ADGRL3: variants seen among roughly 807,000 people sequenced by gnomAD.
ADGRL3 encodes adhesion G protein-coupled receptor L3.
In ADGRL3, 62 loss-of-function variants were observed where a neutral mutation model predicts 153.5. The ratio of observed to expected loss-of-function variants is 0.40; its 90% CI spans 0.33 to 0.50. ADGRL3 has a LOEUF of 0.50. Among genes scored for constraint, ADGRL3 ranks in the 20% least tolerant of loss-of-function variants. The probability of loss-of-function intolerance (pLI) is 0.47; values close to 1 mark genes in which losing one functional copy is unlikely to be tolerated. For synonymous variants in ADGRL3, 710 were observed against 672.5 expected, an observed-to-expected ratio of 1.06 and a Z score of -0.86; for missense variants, 1,641 against 1,859.4, an observed-to-expected ratio of 0.88 and a Z score of 2.16.
intron 1 of ADGRL3, among the ~76,000 whole-genome samples, chr4:61,361,251 A>G (rs2096277820): frequency 6.6e-6 from 1 of 152,180 alleles, no homozygotes; most frequent in Non-Finnish European, 1.5e-5. Context: ...TAATTATATC[A>G]TCTGTGAGAT....
intron 8 of ADGRL3, among the ~76,000 whole-genome samples, chr4:61,756,110 T>C (rs1426691322): frequency 1.3e-5 from 2 of 152,202 alleles, no homozygotes; most frequent in African/African-American, 2.4e-5. Context: ...CGGGCTCTTT[T>C]TGGTTCCATA....
chr4:61,561,884 A>T (rs1200600777), intron 4 of ADGRL3, among the ~76,000 whole-genome samples: 1 of 151,978 alleles, frequency 6.6e-6, no homozygotes, highest in Non-Finnish European at 1.5e-5. Flanking sequence ...AAGCAATCGT[A>T]CCACCTCAGC....
chr4:61,671,827 G>A (rs762435009), intron 5 of ADGRL3, among the ~76,000 whole-genome samples: 1 of 152,056 alleles, frequency 6.6e-6, no homozygotes, highest in African/African-American at 2.4e-5. Flanking sequence ...CCACAAGACA[G>A]CAGTATCATG....
intron 13 of ADGRL3, among the ~76,000 whole-genome samples, chr4:61,919,789 A>G (rs923242251): frequency 2.6e-4 from 40 of 152,158 alleles, no homozygotes; most frequent in African/African-American, 8.4e-4. Flanking sequence ...ATCTCTCACA[A>G]TTCCCCTGGC....
At chr4:61,726,691 C>G (rs1037447987) in intron 6 of ADGRL3, among the ~76,000 whole-genome samples, 1 of 152,046 alleles carries the variant, frequency 6.6e-6, no homozygotes, top group Non-Finnish European at 1.5e-5. Flanking sequence ...TTTTAATAGT[C>G]TAAACCAAAT....
At chr4:61,813,938 T>C in intron 9 of ADGRL3, 49 bp downstream of exon 9, 1 of 1,600,912 alleles carries the variant, frequency 6.2e-7, no homozygotes, top group East Asian at 2.2e-5. Flanking sequence ...CATTCTTTGA[T>C]GAAAGCAATG....
chr4:61,347,881 A>G (rs1376779398), intron 1 of ADGRL3, among the ~76,000 whole-genome samples: 1 of 152,086 alleles, frequency 6.6e-6, no homozygotes, highest in Non-Finnish European at 1.5e-5. Flanking sequence ...GTCTATCTTT[A>G]TTCTTTCTGA....
intron 21 of ADGRL3, among the ~76,000 whole-genome samples, chr4:62,024,183 G>C (rs1316576052): frequency 6.6e-6 from 1 of 151,892 alleles, no homozygotes; most frequent in Non-Finnish European, 1.5e-5. Flanking sequence ...GATATTTATT[G>C]GTCTTAATTT....
At chr4:61,718,629 C>T (rs2096174921) in intron 6 of ADGRL3, among the ~76,000 whole-genome samples, 1 of 152,122 alleles carries the variant, frequency 6.6e-6, no homozygotes, top group Admixed American at 6.6e-5. Flanking sequence ...CAACTCTAAT[C>T]AGTTTAGTAG....
intron 5 of ADGRL3, among the ~76,000 whole-genome samples, chr4:61,608,310 T>A (rs6836698): frequency 0.92 from 139,868 of 152,244 alleles, 64,769 homozygotes; most frequent in Middle Eastern, 0.99. Context: ...AGTTCTTCCA[T>A]TGATCAAGTT....
chr4:61,243,424 C>A (rs750696729), intron 1 of ADGRL3, among the ~76,000 whole-genome samples: 1 of 151,984 alleles, frequency 6.6e-6, no homozygotes, highest in Non-Finnish European at 1.5e-5. Flanking sequence ...CAATGACAGA[C>A]ACATGAGGTC....
At chr4:62,063,917 C>T (rs1741563260) in intron 25 of ADGRL3, among the ~76,000 whole-genome samples, 1 of 151,828 alleles carries the variant, frequency 6.6e-6, no homozygotes, top group African/African-American at 2.4e-5. Context: ...ACTTGTTGTT[C>T]ATTTATTTTT....
At chr4:61,787,625 G>C (rs1016863392) in intron 8 of ADGRL3, among the ~76,000 whole-genome samples, 11 of 152,046 alleles carry the variant, frequency 7.2e-5, no homozygotes, top group Non-Finnish European at 1.5e-5. Context: ...ATCAGTACTT[G>C]AAACCTTGTC....
At chr4:62,002,943 C>G (rs1476121207) in intron 21 of ADGRL3, among the ~76,000 whole-genome samples, 2 of 151,998 alleles carry the variant, frequency 1.3e-5, no homozygotes, top group Non-Finnish European at 2.9e-5. Flanking sequence ...TTGTAAGGAG[C>G]CTTTAGAACT....
chr4:61,704,958 T>A (rs977812317), intron 6 of ADGRL3, among the ~76,000 whole-genome samples: 6 of 152,198 alleles, frequency 3.9e-5, no homozygotes, highest in Non-Finnish European at 5.9e-5. Context: ...TTGCACAATA[T>A]CTGCACTGAC....
intron 1 of ADGRL3, among the ~76,000 whole-genome samples, chr4:61,284,792 G>A (rs1431019412): frequency 6.6e-6 from 1 of 151,326 alleles, no homozygotes. Context: ...TGTGGGGGAG[G>A]GGGTGGAAAA....
chr4:61,432,979 T>C (rs2152426499), intron 2 of ADGRL3, among the ~76,000 whole-genome samples: 1 of 152,106 alleles, frequency 6.6e-6, no homozygotes, highest in Non-Finnish European at 1.5e-5. Flanking sequence ...ATTTTAACAT[T>C]AAAACTGGCA....
At chr4:61,411,096 A>G (rs2097081336) in intron 2 of ADGRL3, among the ~76,000 whole-genome samples, 1 of 152,134 alleles carries the variant, frequency 6.6e-6, no homozygotes, top group South Asian at 2.1e-4. Context: ...GCCTCATGCA[A>G]CTGCACTTGG....
chr4:61,809,217 A>G (rs2097582060), intron 8 of ADGRL3, among the ~76,000 whole-genome samples: 1 of 152,104 alleles, frequency 6.6e-6, no homozygotes, highest in Admixed American at 6.6e-5. Context: ...GTAGAAATCA[A>G]TGGGGATTTT....
Sources: allele counts gnomAD v4.1 joint callset (sites outside exome capture counted in the v4.1 genomes callset), GRCh38; gene constraint gnomAD v4.1.1; transcripts MANE v1.5; gene names NCBI Gene and HGNC (gene_info 2026-07-23, HGNC 2026-07-21).